Variants in TENM2 observed in about 807,000 individuals in gnomAD.
TENM2 encodes teneurin transmembrane protein 2.
Under a neutral mutation model 245.2 loss-of-function variants are expected in TENM2, and 52 were observed. That is an observed-to-expected ratio of 0.21 (90% CI 0.17 to 0.27). The LOEUF is 0.27. TENM2 is among the 10% of genes least tolerant of loss of function. The pLI is 1.00. For missense variants in TENM2, 3,046 were observed against 3,666.8 expected, an observed-to-expected ratio of 0.83 and a Z score of 4.37; for synonymous variants, 1,363 against 1,438.9, an observed-to-expected ratio of 0.95 and a Z score of 1.19.
the TENM2 span, among the ~76,000 whole-genome samples, chr5:167,020,589 C>G: frequency 6.6e-6 from 1 of 152,106 alleles, no homozygotes; most frequent in Non-Finnish European, 1.5e-5. Flanking sequence ...GAGTGTGTAC[C>G]AGATGGGTTA....
At chr5:167,712,373 A>T (rs1758968730) in intron 2 of TENM2, among the ~76,000 whole-genome samples, 1 of 152,242 alleles carries the variant, frequency 6.6e-6, no homozygotes, top group Admixed American at 6.5e-5. Flanking sequence ...ACCAGATTTC[A>T]GAAATATGAA....
At chr5:168,151,438 G>A (rs1267585398) in intron 12 of TENM2, among the ~76,000 whole-genome samples, 1 of 152,168 alleles carries the variant, frequency 6.6e-6, no homozygotes, top group Non-Finnish European at 1.5e-5. Flanking sequence ...ATCATTGGAG[G>A]ACACTTTTAA....
intron 2 of TENM2, among the ~76,000 whole-genome samples, chr5:167,864,303 A>C (rs1040960427): frequency 6.6e-6 from 1 of 152,242 alleles, no homozygotes; most frequent in African/African-American, 2.4e-5. Flanking sequence ...TTTGCAGAGT[A>C]CTTCACCATT....
chr5:168,085,201 CA>C (rs1026035741), intron 7 of TENM2: 4 of 152,200 alleles, frequency 2.6e-5, no homozygotes, highest in Admixed American at 2.6e-4. Context: ...TGGCATGTAG[CA>C]AGTGCCCAGG....
the TENM2 span, among the ~76,000 whole-genome samples, chr5:167,010,053 G>GT: frequency 6.6e-6 from 1 of 152,146 alleles, no homozygotes; most frequent in Non-Finnish European, 1.5e-5. Flanking sequence ...AGTAAATAAC[G>GT]TGACACGAGT....
intron 2 of TENM2, among the ~76,000 whole-genome samples, chr5:167,592,926 C>T (rs1018727678): frequency 1.3e-5 from 2 of 152,008 alleles, no homozygotes; most frequent in African/African-American, 4.8e-5. Context: ...ATGTTTAATA[C>T]AATGAGATGT....
At chr5:167,775,993 AG>A (rs1226566125) in intron 2 of TENM2, among the ~76,000 whole-genome samples, 2 of 152,170 alleles carry the variant, frequency 1.3e-5, no homozygotes, top group African/African-American at 4.8e-5. Flanking sequence ...TAAAACAAAG[AG>A]GGTTGGTTAA....
chr5:167,153,682 T>C, the TENM2 span, among the ~76,000 whole-genome samples: 146 of 150,534 alleles, frequency 9.7e-4, no homozygotes, highest in Middle Eastern at 3.5e-3. Context: ...TATATATATA[T>C]ACACACACAC....
intron 2 of TENM2, among the ~76,000 whole-genome samples, chr5:167,679,878 C>T (rs1027645909): frequency 6.6e-6 from 1 of 152,150 alleles, no homozygotes; most frequent in Non-Finnish European, 1.5e-5. Flanking sequence ...GCATTTATGG[C>T]TTATGGTCCA....
intron 2 of TENM2, among the ~76,000 whole-genome samples, chr5:167,774,758 G>C (rs1288955632): frequency 3.9e-5 from 6 of 152,156 alleles, no homozygotes; most frequent in Non-Finnish European, 8.8e-5. Flanking sequence ...TGTGCATAAT[G>C]GTGGATGAGT....
rs1456837294 is a variant in TENM2, at chr5:168,217,051, T to A, written c.4233+129T>A. 5 of 1,047,404 alleles carry A rather than the reference T, an allele frequency of 4.8e-6. No individual in the cohort carries two copies. In the African/African-American group the frequency reaches 6.4e-5, roughly 13 times the overall value. The allele number at this position is 1,047,404 out of a possible 1,614,324, so 64.9% of individuals were successfully genotyped here. The stretch of plus-strand genomic sequence containing the variant: ...TACAGATACAGATCACGGGGTTGTT[T>A]GGAGAAAGCCTGAGATGAGCTAAAC... On this transcript the variant is annotated intron_variant, in intron 22 of 28. Coordinates refer to ENST00000518659, the Ensembl canonical transcript of TENM2.
chr5:167,480,486 G>A (rs1767688253), intron 2 of TENM2, among the ~76,000 whole-genome samples: 1 of 152,162 alleles, frequency 6.6e-6, no homozygotes, highest in South Asian at 2.1e-4. Flanking sequence ...GGGATGCTTT[G>A]CAAATGGTAG....
intron 5 of TENM2, among the ~76,000 whole-genome samples, chr5:168,000,052 T>A (rs1039762577): frequency 6.6e-6 from 1 of 152,240 alleles, no homozygotes; most frequent in Non-Finnish European, 1.5e-5. Context: ...TCTATAACGA[T>A]GATCTCTCTA....
At chr5:168,107,014 T>G (rs1019822320) in intron 9 of TENM2, among the ~76,000 whole-genome samples, 2 of 151,840 alleles carry the variant, frequency 1.3e-5, no homozygotes, top group African/African-American at 4.8e-5. Context: ...GAGCAGAGAT[T>G]TTGCCACTGC....
At chr5:167,375,567 A>G in intron 2 of TENM2, 94 bp downstream of exon 4, 1 of 1,325,868 alleles carries the variant, frequency 7.5e-7, no homozygotes, top group Non-Finnish European at 1.0e-6. Flanking sequence ...GGCGTCATAA[A>G]ACCATTCATT....
chr5:167,775,567 GA>G (rs1031025216), intron 2 of TENM2, among the ~76,000 whole-genome samples: 10 of 151,998 alleles, frequency 6.6e-5, no homozygotes, highest in Non-Finnish European at 8.8e-5. Context: ...AAGTGTTTAG[GA>G]AAAAAATCTG....
chr5:167,463,496 A>AT (rs1213803643), intron 2 of TENM2, among the ~76,000 whole-genome samples: 7 of 125,798 alleles, frequency 5.6e-5, no homozygotes, highest in Admixed American at 3.1e-4. Flanking sequence ...GAAGATATTT[A>AT]TTTTATTTTA....
At chr5:167,342,772 C>A (rs549067575) in intron 1 of TENM2, among the ~76,000 whole-genome samples, 2 of 151,942 alleles carry the variant, frequency 1.3e-5, no homozygotes, top group South Asian at 2.1e-4. Context: ...CATGATCCAC[C>A]CTCCTCGGCC....
At chr5:167,822,324 G>A (rs1767600776) in intron 2 of TENM2, among the ~76,000 whole-genome samples, 1 of 152,082 alleles carries the variant, frequency 6.6e-6, no homozygotes, top group South Asian at 2.1e-4. Flanking sequence ...AAACTGGGTC[G>A]CTTGTTAGTT....
Sources: allele counts gnomAD v4.1 joint callset (sites outside exome capture counted in the v4.1 genomes callset), GRCh38; gene constraint gnomAD v4.1.1; transcripts MANE v1.5; gene names NCBI Gene and HGNC (gene_info 2026-07-23, HGNC 2026-07-21).